The following ARFGAP3 variants were observed in gnomAD, a reference collection of about 807,000 sequenced individuals.
ARFGAP3 encodes ADP-ribosylation factor GTPase-activating protein 3.
ARFGAP3 carries 72 observed loss-of-function variants against 75.0 expected under a neutral mutation model. That is an observed-to-expected ratio of 0.96 (90% CI 0.79 to 1.17). ARFGAP3 has a LOEUF of 1.17. Among genes scored for constraint, ARFGAP3 ranks in the 50% most tolerant of loss-of-function variants. ARFGAP3 has a pLI of 0.00. For synonymous variants in ARFGAP3, 221 were observed against 217.9 expected (o/e 1.01, Z -0.13); for missense variants, 620 against 626.6 (o/e 0.99, Z 0.11).
intron 7 of ARFGAP3, among the ~76,000 whole-genome samples, chr22:42,826,217 A>T (rs1926030754): frequency 6.6e-6 from 1 of 152,194 alleles, no homozygotes; most frequent in Non-Finnish European, 1.5e-5. Context: ...TTTAAGATTA[A>T]GTTCACCTAT....
chr22:42,853,576 C>G (rs1927373401), intron 1 of ARFGAP3: 1 of 179,082 alleles, frequency 5.6e-6, no homozygotes, highest in African/African-American at 2.4e-5. Context: ...AACTTGGCAT[C>G]AGCAATGTCC....
intron 12 of ARFGAP3, 174 bp from the exon 13 acceptor site, chr22:42,809,064 A>G: frequency 2.1e-6 from 1 of 478,466 alleles, no homozygotes; most frequent in Non-Finnish European, 2.7e-6. Context: ...TACCCAAACG[A>G]TACAAAATTT....
chr22:42,803,478 G>A (rs539111116), intron 14 of ARFGAP3, among the ~76,000 whole-genome samples: 2 of 152,320 alleles, frequency 1.3e-5, no homozygotes, highest in Admixed American at 1.3e-4. Flanking sequence ...CAAACAATCA[G>A]AATTGGCTTT....
intron 14 of ARFGAP3, among the ~76,000 whole-genome samples, chr22:42,801,450 G>A (rs1308696133): frequency 1.3e-5 from 2 of 152,200 alleles, no homozygotes; most frequent in East Asian, 3.9e-4. Flanking sequence ...AGGGGGTTCT[G>A]TGCATCACAG....
intron 9 of ARFGAP3, among the ~76,000 whole-genome samples, chr22:42,821,464 T>C (rs892589327): frequency 1.3e-5 from 2 of 152,246 alleles, no homozygotes; most frequent in Admixed American, 1.3e-4. Context: ...ACATTGCATA[T>C]AGACAGAATC....
At chr22:42,816,551 C>G (rs1220629949) in intron 11 of ARFGAP3, among the ~76,000 whole-genome samples, 2 of 152,210 alleles carry the variant, frequency 1.3e-5, no homozygotes, top group African/African-American at 4.8e-5. Context: ...TTTGCTCTGG[C>G]AGGCCACTTG....
At chr22:42,803,071 CT>C (rs1185559766) in intron 14 of ARFGAP3, among the ~76,000 whole-genome samples, 1 of 152,218 alleles carries the variant, frequency 6.6e-6, no homozygotes, top group African/African-American at 2.4e-5. Flanking sequence ...TCACAGCTGA[CT>C]GCAGCCTCAA....
intron 4 of ARFGAP3, among the ~76,000 whole-genome samples, 172 bp downstream of exon 4, chr22:42,835,190 G>A (rs1926463854): frequency 6.6e-6 from 1 of 152,182 alleles, no homozygotes; most frequent in South Asian, 2.1e-4. Flanking sequence ...CACTAATCCA[G>A]TACTCATGAT....
chr22:42,856,172 C>T (rs937276609), intron 1 of ARFGAP3, among the ~76,000 whole-genome samples: 1 of 152,236 alleles, frequency 6.6e-6, no homozygotes. Flanking sequence ...TGTTTCCTTC[C>T]TCACCTAGGC....
At chr22:42,837,319 A>C (rs1239851099) in intron 3 of ARFGAP3, among the ~76,000 whole-genome samples, 1 of 152,034 alleles carries the variant, frequency 6.6e-6, no homozygotes, top group Non-Finnish European at 1.5e-5. Flanking sequence ...AAAATCAATA[A>C]AAAATTAATA....
At position 42,797,570 on chromosome 22, in the gene ARFGAP3, C is replaced by T. The variant is rs144769866; in HGVS notation, c.*18G>A. ...TAAAGAGGAATTTCTCCAGGAAATA[C>T]ACATCATGACTTCAGTATTAAGAAC... On this transcript the variant is annotated 3_prime_UTR_variant, in exon 16 of 16. Transcript: ENST00000263245. 16 of 1,614,098 alleles carry T rather than the reference C, an allele frequency of 9.9e-6. No homozygotes were observed. The highest frequency in any genetic ancestry group is 1.3e-5 in the Non-Finnish European group (15 of 1,179,976).
In ARFGAP3 at chr22:42,799,141, A is replaced by T. The variant is rs1128013; in HGVS notation, c.1431T>A (p.Ser477Arg). Residue 477 changes from serine to arginine, a missense_variant, in exon 15 of 16, where the codon AGT (serine) becomes AGA (arginine). Transcript: ENST00000263245. ...CCATGTCGGGGGCGTTGGGCAGCAC[A>T]CTGGACAGGCTGTAGTTCCCTGCAC... ...KQPAGNYSLS[S>R]VLPNAPDMAQ... 6.2e-7 allele frequency: 1 copy of T among 1,613,822 alleles called. No individual in the cohort carries two copies. Among genetic ancestry groups the T allele is most frequent in the Non-Finnish European group, 8.5e-7 (1 of 1,179,940 alleles).
At chr22:42,799,773 C>T (rs1425514541) in intron 14 of ARFGAP3, among the ~76,000 whole-genome samples, 2 of 152,160 alleles carry the variant, frequency 1.3e-5, no homozygotes, top group African/African-American at 4.8e-5. Context: ...CCCTCCCACT[C>T]GCTTGGGGTA....
intron 5 of ARFGAP3, chr22:42,831,859 T>C (rs1230681336): frequency 5.4e-5 from 30 of 553,746 alleles, no homozygotes; most frequent in Non-Finnish European, 6.7e-5. Context: ...CACAGCTCAC[T>C]GGAGCCTTGA....
chr22:42,852,338 C>T (rs560679268), intron 1 of ARFGAP3, among the ~76,000 whole-genome samples: 14 of 149,438 alleles, frequency 9.4e-5, no homozygotes, highest in Middle Eastern at 3.7e-3. Flanking sequence ...GGATTACAGG[C>T]GCCACCGCGC....
intron 1 of ARFGAP3, among the ~76,000 whole-genome samples, chr22:42,853,060 G>A (rs754294884): frequency 1.4e-4 from 22 of 152,092 alleles, no homozygotes; most frequent in East Asian, 1.9e-4. Flanking sequence ...CACCGCGCCC[G>A]GCCTATTTAT....
intron 12 of ARFGAP3, among the ~76,000 whole-genome samples, chr22:42,810,400 G>T (rs996461185): frequency 2.0e-5 from 3 of 151,048 alleles, no homozygotes; most frequent in Admixed American, 6.6e-5. Flanking sequence ...GGAGACGGAG[G>T]CTGCAGTAAG....
At chr22:42,813,142 C>A (rs541778488) in intron 11 of ARFGAP3, among the ~76,000 whole-genome samples, 2 of 152,156 alleles carry the variant, frequency 1.3e-5, no homozygotes, top group Non-Finnish European at 2.9e-5. Flanking sequence ...TAAGCACCTA[C>A]GAGGAGTCAG....
intron 3 of ARFGAP3, 92 bp downstream of exon 3, chr22:42,840,852 T>G (rs886159199): frequency 2.7e-4 from 348 of 1,294,290 alleles, no homozygotes; most frequent in Non-Finnish European, 3.4e-4. Flanking sequence ...ATTACAGGCA[T>G]GAGCCACTGC....
Sources: allele counts gnomAD v4.1 joint callset (sites outside exome capture counted in the v4.1 genomes callset), GRCh38; gene constraint gnomAD v4.1.1; transcripts MANE v1.5; gene names NCBI Gene and HGNC (gene_info 2026-07-23, HGNC 2026-07-21).